The following CNOT6 variants were observed in gnomAD, a reference collection of about 807,000 sequenced individuals.
CNOT6 encodes the protein CCR4-NOT transcription complex subunit 6.
A neutral mutation model predicts 61.2 loss-of-function variants in CNOT6; 12 were observed. That is an observed-to-expected ratio of 0.20 (90% confidence interval 0.13 to 0.32). The LOEUF (loss-of-function observed/expected upper bound fraction) is 0.32, where lower values mean the gene tolerates loss of function less well. CNOT6 is among the 10% of genes least tolerant of loss of function. CNOT6 has a pLI of 1.00. For missense variants in CNOT6, 405 were observed against 663.9 expected, an observed-to-expected ratio of 0.61 and a Z score of 4.28; for synonymous variants, 225 against 240.6, an observed-to-expected ratio of 0.94 and a Z score of 0.60.
In CNOT6 at chr5:180,577,697, CT is replaced by C; in HGVS notation, c.*3499del. 6.5e-6 allele frequency: 1 copy of C among 152,764 alleles called. No homozygotes were observed. The highest frequency in any genetic ancestry group is 2.1e-4 in the South Asian group (1 of 4,826). The allele number at this position is 152,764 out of a possible 1,614,324, so 9.5% of individuals were successfully genotyped here. ...TATTGTGTGATGCACTGGACTAACT[CT>C]TGTTTACCATTCATGTAACAAAACC... is the stretch of plus-strand genomic sequence containing the variant. On this transcript the variant is annotated 3_prime_UTR_variant, in exon 12 of 12. Coordinates refer to ENST00000261951, the MANE Select transcript of CNOT6 (RefSeq NM_001370472.1).
intron 1 of CNOT6, among the ~76,000 whole-genome samples, chr5:180,513,292 C>T (rs865848106): frequency 1.3e-5 from 2 of 152,166 alleles, no homozygotes; most frequent in Admixed American, 6.5e-5. Context: ...CAGTCTCCAG[C>T]GATTTTCCCT....
Position 180,578,124 on chromosome 5 carries a change from A to G in CNOT6, c.*3924A>G, listed in dbSNP as rs1248569536. On this transcript the variant is annotated 3_prime_UTR_variant, in exon 12 of 12. Transcript: ENST00000261951. Reference sequence around the variant, plus strand: ...AAGAGTGCAGGGGGACGGGGCCATGATATGGGGAAATGGTGTAAACTAATG... The same window carrying G: ...AAGAGTGCAGGGGGACGGGGCCATGGTATGGGGAAATGGTGTAAACTAATG... 6.6e-6 allele frequency: 1 copy of G among 152,572 alleles called. No homozygotes were observed. Among genetic ancestry groups the G allele is most frequent in the Non-Finnish European group, 1.5e-5 (1 of 68,032 alleles). The allele number at this position is 152,572 out of a possible 1,614,324, so 9.5% of individuals were successfully genotyped here. A position where few individuals can be genotyped will look rare whatever the true frequency, so the allele number is the denominator to read the frequency against.
chr5:180,571,325 C>G lies in CNOT6; in HGVS notation c.1354C>G (p.His452Asp). The stretch of plus-strand genomic sequence containing the variant: ...TGAAAGTCTCACAAACTTCAGCTGT[C>G]ATGGGAAGAATGGAACCACCAATGG... ...YNESLTNFSC[H>D]GKNGTTNGRI... Residue 452 changes from histidine (H) to aspartate (D), a missense_variant, in exon 11 of 12, where the codon CAT becomes GAT. His to Asp is a moderately conservative substitution (Grantham distance 81). Around this residue, in one of 5 missense-constraint regions of CNOT6, gnomAD observed 116 missense variants for 184.6 expected, o/e 0.63. Transcript: ENST00000261951. 6.2e-7 allele frequency: 1 copy of G among 1,613,962 alleles called. No homozygotes were observed. Among genetic ancestry groups the G allele is most frequent in the East Asian group, 2.2e-5 (1 of 44,876 alleles).
intron 4 of CNOT6, among the ~76,000 whole-genome samples, chr5:180,560,122 A>G (rs1377460756): frequency 6.6e-6 from 1 of 151,674 alleles, no homozygotes; most frequent in Non-Finnish European, 1.5e-5. Context: ...TAATTTTTGA[A>G]TTTTAATAGA....
intron 4 of CNOT6, among the ~76,000 whole-genome samples, chr5:180,562,951 A>C (rs190519813): frequency 6.6e-6 from 1 of 152,336 alleles, no homozygotes; most frequent in East Asian, 1.9e-4. Flanking sequence ...AGAACCACAC[A>C]CACGTGAGAG....
At chr5:180,550,149 A>G (rs771061566) in intron 3 of CNOT6, 32 bp downstream of exon 3, 5 of 1,570,790 alleles carry the variant, frequency 3.2e-6, no homozygotes, top group Non-Finnish European at 3.5e-6. Context: ...CATACTAGCT[A>G]TATGACCCCT....
intron 1 of CNOT6, chr5:180,495,423 C>T (rs1756563774): frequency 6.6e-6 from 1 of 152,222 alleles, no homozygotes; most frequent in South Asian, 2.1e-4. Flanking sequence ...TTTTTCAGCA[C>T]TAATCGCTAT....
In CNOT6 at chr5:180,574,481, T is replaced by A. The variant is rs964369230; in HGVS notation, c.*281T>A. On this transcript the variant is annotated 3_prime_UTR_variant, in exon 12 of 12. Coordinates refer to ENST00000261951, the MANE Select transcript of CNOT6 (RefSeq NM_001370472.1). ...TATTTCTTCTACCCAATAGAATATT[T>A]TCATGCCTGGAAATAGGAAAATGTG... 15 of 461,250 alleles carry A rather than the reference T, an allele frequency of 3.3e-5. No homozygotes were observed. Among genetic ancestry groups the A allele is most frequent in the Non-Finnish European group, 4.3e-5 (11 of 253,514 alleles). 28.6% of individuals were successfully genotyped at this position (461,250 alleles called of 1,614,324 possible). A position where few individuals can be genotyped will look rare whatever the true frequency, so the allele number is the denominator to read the frequency against.
chr5:180,549,911 T>C lies in CNOT6; in HGVS notation c.113-20T>C. ...TAGAGAAAACTATATAATCCGTTCC[T>C]GTATTTTTTTCTCTTACAGGAAAAG... On this transcript the variant is annotated intron_variant, in intron 2 of 11. Transcript: ENST00000261951. 1.3e-6 allele frequency: 2 copies of C among 1,576,590 alleles called. No individual in the cohort carries two copies. The highest frequency in any genetic ancestry group is 1.7e-4 in the Middle Eastern group (1 of 5,950).
chr5:180,525,074 T>C (rs925909144), intron 1 of CNOT6, among the ~76,000 whole-genome samples: 3 of 152,212 alleles, frequency 2.0e-5, no homozygotes, highest in Non-Finnish European at 2.9e-5. Flanking sequence ...TTCTTTTGTA[T>C]TGAATATTTT....
At chr5:180,571,516 G>A in intron 11 of CNOT6, 84 bp downstream of exon 11, 1 of 990,338 alleles carries the variant, frequency 1.0e-6, no homozygotes, top group East Asian at 2.5e-5. Context: ...TAAAACTGTG[G>A]CTGTGTGTTC....
chr5:180,518,005 TCC>T (rs1455465161), intron 1 of CNOT6, among the ~76,000 whole-genome samples: 84 of 116,472 alleles, frequency 7.2e-4, no homozygotes, highest in Middle Eastern at 9.2e-3. Context: ...TTCCCCCATC[TCC>T]CCCTCTCTCC....
intron 1 of CNOT6, among the ~76,000 whole-genome samples, chr5:180,524,801 C>T (rs72812934): frequency 0.019 from 2,881 of 152,260 alleles, 38 homozygotes; most frequent in Non-Finnish European, 0.027. Flanking sequence ...AAATACTAAT[C>T]TCAGCTGGTC....
chr5:180,537,963 C>A (rs890699786), intron 2 of CNOT6, among the ~76,000 whole-genome samples: 2 of 151,784 alleles, frequency 1.3e-5, no homozygotes, highest in African/African-American at 4.8e-5. Flanking sequence ...CACACCAGAC[C>A]CAGCACTTTG....
intron 4 of CNOT6, among the ~76,000 whole-genome samples, chr5:180,558,548 CAG>C (rs1395242933): frequency 6.7e-6 from 1 of 148,246 alleles, no homozygotes; most frequent in Non-Finnish European, 1.5e-5. Context: ...GCTTTTTAGA[CAG>C]AAACAATATG....
chr5:180,571,625 GCA>G (rs1473375915), intron 11 of CNOT6, among the ~76,000 whole-genome samples, 193 bp downstream of exon 11: 1 of 152,160 alleles, frequency 6.6e-6, no homozygotes, highest in African/African-American at 2.4e-5. Context: ...GAGTGCAGTG[GCA>G]CAGTGATGGC....
At position 180,574,442 on chromosome 5, in the gene CNOT6, A is replaced by T. The variant is rs1016949535; in HGVS notation, c.*242A>T. The T allele has an allele frequency of 1.5e-5, 8 of 548,764 alleles. No individual in the cohort carries two copies. The African/African-American group carries it at 1.5e-4, about 10-fold the overall frequency. The allele number at this position is 548,764 out of a possible 1,614,324, so 34.0% of individuals were successfully genotyped here. A position where few individuals can be genotyped will look rare whatever the true frequency, so the allele number is the denominator to read the frequency against. ...TGTTTGCACCTGTCTTTCATTTGTC[A>T]TAAGAGATTTTCCTATTTCTTCTAC... On this transcript the variant is annotated 3_prime_UTR_variant, in exon 12 of 12. Transcript: ENST00000261951.
Position 180,575,492 on chromosome 5 carries a change from TAAG to T in CNOT6, c.*1299_*1301del, listed in dbSNP as rs1460911181. The T allele has an allele frequency of 5.3e-5, 8 of 152,258 alleles. No individual in the cohort carries two copies. Among genetic ancestry groups the T allele is most frequent in the Non-Finnish European group, 1.0e-4 (7 of 68,024 alleles). 9.4% of individuals were successfully genotyped at this position (152,258 alleles called of 1,614,324 possible). A position where few individuals can be genotyped will look rare whatever the true frequency, so the allele number is the denominator to read the frequency against. On this transcript the variant is annotated 3_prime_UTR_variant, in exon 12 of 12. Coordinates refer to ENST00000261951, the MANE Select transcript of CNOT6 (RefSeq NM_001370472.1). ...GTTGTTGTTTTAATCATTCCTTTTT[TAAG>T]AAGAAGTAATTTTCCATTTATGAAG... is the stretch of plus-strand genomic sequence containing the variant.
intron 1 of CNOT6, among the ~76,000 whole-genome samples, chr5:180,507,559 G>A (rs2387287): frequency 0.46 from 69,484 of 151,990 alleles, 17,105 homozygotes; most frequent in Non-Finnish European, 0.56. Context: ...CCGTGGTCAC[G>A]CCATTGCACT....
Sources: gnomAD v4.1 joint callset for allele counts (sites outside exome capture counted in the v4.1 genomes callset) on GRCh38, gnomAD v4.1.1 for gene constraint, gnomAD v4.1.1 regional missense constraint, MANE v1.5 for transcripts, NCBI Gene and HGNC (gene_info 2026-07-23, HGNC 2026-07-21) for gene names.